The following ENOX1 variants were observed in gnomAD, a reference collection of about 807,000 sequenced individuals.
ENOX1 encodes the protein candidate growth-related and time keeping constitutive hydroquinone (NADH) oxidase.
Under a neutral mutation model 82.5 loss-of-function variants are expected in ENOX1, and 42 were observed. The ratio of observed to expected loss-of-function variants is 0.51; its 90% confidence interval spans 0.40 to 0.66. The LOEUF (loss-of-function observed/expected upper bound fraction) is 0.66, where lower values mean the gene tolerates loss of function less well. ENOX1 is among the 30% of genes least tolerant of loss of function. ENOX1 has a pLI of 0.00. For missense variants in ENOX1, 608 were observed against 811.6 expected, an observed-to-expected ratio of 0.75 and a Z score of 3.05; for synonymous variants, 271 against 282.2, an observed-to-expected ratio of 0.96 and a Z score of 0.40.
intron 2 of ENOX1, among the ~76,000 whole-genome samples, chr13:43,508,980 C>T (rs1252051507): frequency 6.6e-6 from 1 of 151,938 alleles, no homozygotes; most frequent in Admixed American, 6.6e-5. Flanking sequence ...AAAAATCCAT[C>T]TGGAAATCAT....
chr13:43,403,985 A>C (rs527735056), intron 5 of ENOX1, among the ~76,000 whole-genome samples: 1 of 152,324 alleles, frequency 6.6e-6, no homozygotes, highest in South Asian at 2.1e-4. Context: ...CAGGTGCTCC[A>C]TATTCCAGTC....
At chr13:43,231,847 A>G (rs929369914) in intron 15 of ENOX1, among the ~76,000 whole-genome samples, 2 of 152,234 alleles carry the variant, frequency 1.3e-5, no homozygotes, top group African/African-American at 4.8e-5. Flanking sequence ...AAATCAGGCC[A>G]GCGTTTCTCA....
intron 2 of ENOX1, chr13:43,546,424 G>A (rs749800790): frequency 1.3e-5 from 2 of 152,412 alleles, no homozygotes; most frequent in African/African-American, 4.8e-5. Flanking sequence ...CTACAGGCAC[G>A]TGCATGAGAA....
intron 14 of ENOX1, among the ~76,000 whole-genome samples, chr13:43,250,133 G>A (rs551281868): frequency 7.2e-5 from 11 of 152,218 alleles, no homozygotes; most frequent in African/African-American, 2.7e-4. Flanking sequence ...GATAATAATA[G>A]TAAGTAGCTT....
At chr13:43,308,711 C>G (rs1293825508) in intron 11 of ENOX1, among the ~76,000 whole-genome samples, 2 of 152,192 alleles carry the variant, frequency 1.3e-5, no homozygotes, top group Non-Finnish European at 2.9e-5. Context: ...GGGCATTAAC[C>G]TGCGGCCATT....
intron 2 of ENOX1, among the ~76,000 whole-genome samples, chr13:43,654,981 T>C (rs934758385): frequency 6.6e-6 from 1 of 152,216 alleles, no homozygotes. Context: ...GGCCTTTTCA[T>C]GAAGTATCTC....
Position 43,361,450 on chromosome 13 carries a change from A to C in ENOX1, c.211T>G (p.Ser71Ala). The C allele has an allele frequency of 6.2e-7, 1 of 1,607,450 alleles. No homozygotes were observed. The highest frequency in any genetic ancestry group is 8.5e-7 in the Non-Finnish European group (1 of 1,178,482). ...GGATCAAAGCCTGGGACACAGATTG[A>C]GTCTGTAAAGTATACAAGATAACAT... Reference protein sequence around the residue: ...GLPGQQLVSDSICVPGFDPSL... With the variant: ...GLPGQQLVSDAICVPGFDPSL... Residue 71 changes from serine to alanine, a missense_variant and splice_region_variant, in exon 6 of 17, where the codon TCA (serine) becomes GCA (alanine). By Grantham distance (99) the Ser-to-Ala change is moderately conservative (BLOSUM62 1). Coordinates refer to ENST00000690772, the MANE Select transcript of ENOX1 (RefSeq NM_001347969.2).
At chr13:43,635,687 T>C (rs1161209303) in intron 2 of ENOX1, among the ~76,000 whole-genome samples, 3 of 152,032 alleles carry the variant, frequency 2.0e-5, no homozygotes, top group Non-Finnish European at 4.4e-5. Flanking sequence ...CAGCTACTCA[T>C]AGGCAGATAA....
At chr13:43,261,542 T>A (rs2044058577) in intron 14 of ENOX1, among the ~76,000 whole-genome samples, 1 of 152,168 alleles carries the variant, frequency 6.6e-6, no homozygotes, top group African/African-American at 2.4e-5. Flanking sequence ...ATTTCACATC[T>A]ACATTATACA....
At chr13:43,720,585 T>A (rs770814714) in intron 1 of ENOX1, among the ~76,000 whole-genome samples, 10 of 152,222 alleles carry the variant, frequency 6.6e-5, no homozygotes, top group African/African-American at 9.6e-5. Flanking sequence ...TCTTAGAAAC[T>A]CCATCTGAGT....
intron 9 of ENOX1, among the ~76,000 whole-genome samples, chr13:43,340,179 T>C (rs1594032670): frequency 6.6e-6 from 1 of 152,336 alleles, no homozygotes; most frequent in Non-Finnish European, 1.5e-5. Context: ...ACAGACTGGG[T>C]TCCTTTTTGC....
intron 2 of ENOX1, among the ~76,000 whole-genome samples, chr13:43,644,390 A>T (rs2083801046): frequency 6.6e-6 from 1 of 152,192 alleles, no homozygotes; most frequent in South Asian, 2.1e-4. Context: ...CAGATTCTTG[A>T]CTTTCCCATT....
chr13:43,601,682 C>A (rs2081729148), intron 2 of ENOX1, among the ~76,000 whole-genome samples: 1 of 152,116 alleles, frequency 6.6e-6, no homozygotes, highest in East Asian at 1.9e-4. Flanking sequence ...AGAAAGATAT[C>A]AATATTCAAG....
intron 3 of ENOX1, among the ~76,000 whole-genome samples, chr13:43,436,386 T>C (rs948261023): frequency 6.6e-6 from 1 of 152,140 alleles, no homozygotes; most frequent in Non-Finnish European, 1.5e-5. Flanking sequence ...ATCATTTCAG[T>C]AGAAAGAAAA....
intron 2 of ENOX1, among the ~76,000 whole-genome samples, chr13:43,489,408 G>A (rs567338092): frequency 6.6e-6 from 1 of 152,320 alleles, no homozygotes; most frequent in South Asian, 2.1e-4. Flanking sequence ...CTTACAGAGT[G>A]CAAGAGCTGT....
chr13:43,563,915 T>C (rs1219854493), intron 2 of ENOX1, among the ~76,000 whole-genome samples: 1 of 151,270 alleles, frequency 6.6e-6, no homozygotes, highest in African/African-American at 2.5e-5. Flanking sequence ...TCCCAAACAT[T>C]TAAAGAAGCA....
At chr13:43,661,928 T>C (rs2084751869) in intron 2 of ENOX1, among the ~76,000 whole-genome samples, 2 of 152,208 alleles carry the variant, frequency 1.3e-5, no homozygotes, top group African/African-American at 4.8e-5. Context: ...AGAAGCCAAA[T>C]GTAAAAAAAT....
intron 14 of ENOX1, among the ~76,000 whole-genome samples, chr13:43,248,178 C>A (rs1399712921): frequency 6.6e-6 from 1 of 151,686 alleles, no homozygotes; most frequent in East Asian, 1.9e-4. Context: ...AGCCACCGCG[C>A]CCGGCCGCAA....
intron 1 of ENOX1, among the ~76,000 whole-genome samples, chr13:43,725,216 T>C (rs935174936): frequency 6.6e-6 from 1 of 152,216 alleles, no homozygotes. Context: ...TTTTAAATCC[T>C]GCTTTTAAGA....
Sources: gnomAD v4.1 joint callset for allele counts (sites outside exome capture counted in the v4.1 genomes callset) on GRCh38, gnomAD v4.1.1 for gene constraint, MANE v1.5 for transcripts, NCBI Gene and HGNC (gene_info 2026-07-23, HGNC 2026-07-21) for gene names.